Variants in COG6 observed in about 807,000 individuals in gnomAD.
The protein encoded by COG6 is conserved oligomeric Golgi complex subunit 6.
A neutral mutation model predicts 88.8 loss-of-function variants in COG6; 74 were observed. That is an observed-to-expected ratio of 0.83 (90% CI 0.69 to 1.01). The LOEUF (loss-of-function observed/expected upper bound fraction) is 1.01, where lower values mean the gene tolerates loss of function less well. Ranked by LOEUF, COG6 falls within the 50% of genes least tolerant of loss-of-function variation. The pLI is 0.00. For synonymous variants in COG6, 286 were observed against 278.7 expected (o/e 1.03, Z -0.26); for missense variants, 800 against 797.9 (o/e 1.00, Z -0.03).
intron 18 of COG6, among the ~76,000 whole-genome samples, chr13:39,767,423 A>C (rs1881197876): frequency 6.6e-6 from 1 of 152,138 alleles, no homozygotes; most frequent in Non-Finnish European, 1.5e-5. Flanking sequence ...TTTTTTCTTG[A>C]AAATATTTTA....
Position 39,715,274 on chromosome 13 carries a change from T to TACACAC in COG6, c.1285-3948_1285-3943dup. ...ATATACTCCTCTCTCTCTCTCTCTA[T>TACACAC]ACACACACACACACACACAAACACA... is the stretch of plus-strand genomic sequence containing the variant. On this transcript the variant is annotated intron_variant, in intron 13 of 18. Transcript: ENST00000455146. Among the ~76,000 whole-genome samples, 6 of 149,992 alleles carry TACACAC rather than the reference T, an allele frequency of 4.0e-5. No individual in the cohort carries two copies. The Middle Eastern group carries it at 0.014, about 347-fold the overall frequency.
At chr13:39,670,014 A>G (rs1201854155) in intron 4 of COG6, among the ~76,000 whole-genome samples, 1 of 152,212 alleles carries the variant, frequency 6.6e-6, no homozygotes, top group African/African-American at 2.4e-5. Context: ...TTAGAAATAG[A>G]AATCTGTTTC....
intron 7 of COG6, among the ~76,000 whole-genome samples, chr13:39,680,403 G>A (rs1876240645): frequency 6.6e-6 from 1 of 152,188 alleles, no homozygotes; most frequent in South Asian, 2.1e-4. Context: ...ATCTCTTGTT[G>A]TTTACATAAC....
At position 39,673,684 on chromosome 13, in the gene COG6, ATAATGT is replaced by A. The variant is rs1875785231; in HGVS notation, c.429-3779_429-3774del. Among the ~76,000 whole-genome samples, 5 of 152,040 alleles carry A rather than the reference ATAATGT, an allele frequency of 3.3e-5. No individual in the cohort carries two copies. In the South Asian group the frequency reaches 1.0e-3, roughly 31 times the overall value. On this transcript the variant is annotated intron_variant, in intron 4 of 18. Coordinates refer to ENST00000455146, the MANE Select transcript of COG6 (RefSeq NM_020751.3). ...CTTTTCTTTCTTAAATTTTTTTGAC[ATAATGT>A]TAATATAAATCTATTGTATAAAATT...
At chr13:39,752,888 G>A (rs1037305792), downstream of COG6, among the ~76,000 whole-genome samples, 1 of 152,176 alleles carries the variant, frequency 6.6e-6, no homozygotes, top group African/African-American at 2.4e-5. Context: ...TTTGGCATAA[G>A]TATAACCTGG....
At position 39,788,422 on chromosome 13, in the gene COG6, C is replaced by T. The variant is rs369715688; in HGVS notation, c.*66C>T. 1.1e-4 allele frequency: 157 copies of T among 1,489,580 alleles called. No individual in the cohort carries two copies. The African/African-American group carries it at 1.9e-3, about 18-fold the overall frequency. 92.3% of individuals were successfully genotyped at this position (1,489,580 alleles called of 1,614,324 possible). A position where few individuals can be genotyped will look rare whatever the true frequency, so the allele number is the denominator to read the frequency against. ...ATTCCAGTTGTGGGAGGTGATGTCT[C>T]GGAAAACTCTGCCTTGGGGACTGGC... is the stretch of plus-strand genomic sequence containing the variant. On this transcript the variant is annotated 3_prime_UTR_variant, in exon 19 of 19. Transcript: ENST00000416691.
intron 12 of COG6, among the ~76,000 whole-genome samples, chr13:39,698,786 G>T (rs1360272344): frequency 6.6e-6 from 1 of 151,738 alleles, no homozygotes; most frequent in Non-Finnish European, 1.5e-5. Flanking sequence ...CCCCTAGAAG[G>T]TTGTTAAAAT....
chr13:39,751,536 A>C lies in COG6; in HGVS notation c.*443A>C. 7.8e-7 allele frequency: 1 copy of C among 1,287,002 alleles called. No individual in the cohort carries two copies. Among genetic ancestry groups the C allele is most frequent in the Non-Finnish European group, 1.0e-6 (1 of 988,500 alleles). 79.7% of individuals were successfully genotyped at this position (1,287,002 alleles called of 1,614,324 possible). Reference sequence around the variant, plus strand: ...TTGCTTTCTTTTAATATGAGTAGGCATACTTAGTAGCTTTTCTGAACCTAG... The same window carrying C: ...TTGCTTTCTTTTAATATGAGTAGGCCTACTTAGTAGCTTTTCTGAACCTAG... On this transcript the variant is annotated 3_prime_UTR_variant, in exon 19 of 19. Transcript: ENST00000455146.
At chr13:39,689,086 T>C (rs2138010430) in intron 10 of COG6, among the ~76,000 whole-genome samples, 1 of 152,334 alleles carries the variant, frequency 6.6e-6, no homozygotes. Context: ...ATTATTCTCC[T>C]TACCCAGTTT....
chr13:39,706,278 T>TATA (rs1378385163), intron 13 of COG6, among the ~76,000 whole-genome samples: 1 of 139,644 alleles, frequency 7.2e-6, no homozygotes, highest in African/African-American at 2.6e-5. Flanking sequence ...TATATATATA[T>TATA]TTAAATATAT....
intron 15 of COG6, among the ~76,000 whole-genome samples, chr13:39,721,011 T>C (rs1353474583): frequency 6.6e-6 from 1 of 152,114 alleles, no homozygotes; most frequent in African/African-American, 2.4e-5. Flanking sequence ...GACTGAGCCA[T>C]GTAATGAAGA....
intron 18 of COG6, among the ~76,000 whole-genome samples, chr13:39,737,578 G>A (rs1373964770): frequency 6.6e-6 from 1 of 150,624 alleles, no homozygotes; most frequent in Non-Finnish European, 1.5e-5. Context: ...GCAGAAGGAA[G>A]GAGTCTTACC....
At chr13:39,772,891 C>T (rs1417433691) in intron 18 of COG6, among the ~76,000 whole-genome samples, 1 of 152,234 alleles carries the variant, frequency 6.6e-6, no homozygotes, top group Non-Finnish European at 1.5e-5. Flanking sequence ...TGAAGACCTG[C>T]CCTCCTGCCA....
intron 18 of COG6, among the ~76,000 whole-genome samples, chr13:39,773,298 C>G (rs1264784704): frequency 6.6e-6 from 1 of 152,234 alleles, no homozygotes; most frequent in Non-Finnish European, 1.5e-5. Flanking sequence ...TAGGCACTTT[C>G]CAAATCAACT....
intron 13 of COG6, among the ~76,000 whole-genome samples, chr13:39,712,097 C>T (rs1450986342): frequency 6.6e-6 from 1 of 152,116 alleles, no homozygotes; most frequent in African/African-American, 2.4e-5. Flanking sequence ...TGACCTCAGG[C>T]GATCTGCCCG....
intron 8 of COG6, among the ~76,000 whole-genome samples, chr13:39,684,425 A>AT (rs373505723): frequency 6.0e-5 from 9 of 149,912 alleles, no homozygotes; most frequent in Non-Finnish European, 1.3e-4. Context: ...AATTTTTTGT[A>AT]TTTTTTAGTA....
rs56883870 is a variant in COG6 at position 39,691,502 on chromosome 13, A to G, written c.1074+1678A>G. Among the ~76,000 whole-genome samples, 720 of 152,082 alleles carry G rather than the reference A, an allele frequency of 4.7e-3. 6 individuals carry two copies. Among genetic ancestry groups the G allele is most frequent in the African/African-American group, 0.016 (666 of 41,558 alleles). ...AATGAAGAAAAATTCCTTTTCTGAA[A>G]TGGCAGAAACTTCAAATCTTTCCAT... On this transcript the variant is annotated intron_variant, in intron 11 of 18. Transcript: ENST00000455146.
intron 13 of COG6, among the ~76,000 whole-genome samples, chr13:39,700,430 G>A (rs551756078): frequency 6.6e-6 from 1 of 151,956 alleles, no homozygotes; most frequent in South Asian, 2.1e-4. Flanking sequence ...TGACCCACAT[G>A]CATGACTCAG....
exon 19 of COG6, chr13:39,790,074 G>A (rs1473828670): frequency 6.6e-6 from 1 of 152,150 alleles, no homozygotes; most frequent in African/African-American, 2.4e-5. Flanking sequence ...CACTTTGAAA[G>A]TGATTTGAAA....
Sources: gnomAD v4.1 joint callset for allele counts (sites outside exome capture counted in the v4.1 genomes callset) on GRCh38, gnomAD v4.1.1 for gene constraint, MANE v1.5 for transcripts, NCBI Gene and HGNC (gene_info 2026-07-23, HGNC 2026-07-21) for gene names.